The following TTLL11 variants were observed in gnomAD, a reference collection of about 807,000 sequenced individuals.
TTLL11 encodes the protein tubulin polyglutamylase TTLL11.
TTLL11 carries 42 observed loss-of-function variants against 51.7 expected under a neutral mutation model. The observed-to-expected ratio is 0.81, with a 90% CI of 0.64 to 1.05. The LOEUF is 1.05. TTLL11 is among the 50% of genes least tolerant of loss of function. The probability of loss-of-function intolerance (pLI) is 0.00; values close to 1 mark genes in which losing one functional copy is unlikely to be tolerated. For missense variants in TTLL11, 799 were observed against 940.4 expected, an observed-to-expected ratio of 0.85 and a Z score of 1.97; for synonymous variants, 381 against 383.5, an observed-to-expected ratio of 0.99 and a Z score of 0.08.
rs1045652579 is a variant in TTLL11, at chr9:121,822,647, G to C, written c.2073C>G (p.Asn691Lys). The C allele has an allele frequency of 1.3e-6, 2 of 1,522,008 alleles. No homozygotes were observed. Among genetic ancestry groups the C allele is most frequent in the Non-Finnish European group, 1.8e-6 (2 of 1,133,904 alleles). The allele number at this position is 1,522,008 out of a possible 1,614,324, so 94.3% of individuals were successfully genotyped here. Residue 691 changes from asparagine to lysine, a missense_variant, in exon 9 of 9, where the codon AAC (asparagine) becomes AAG (lysine). Coordinates refer to ENST00000321582, the MANE Select transcript of TTLL11 (RefSeq NM_001139442.2). This position sits in a 1 kb window ranked among gnomAD's most constrained non-coding sequence, Gnocchi z 5.8. ...PSPSAQPAGD[N>K]PPPRTSCANK... ...TGGCACAGCTGGTGCGGGGTGGGGG[G>C]TTGTCCCCTGCTGGCTGGGCCGAGG...
intron 6 of TTLL11, among the ~76,000 whole-genome samples, chr9:121,962,120 A>G (rs1842247953): frequency 3.9e-5 from 6 of 152,122 alleles, no homozygotes; most frequent in Admixed American, 3.9e-4. Context: ...TTCAACTATA[A>G]ATGACAGGAG....
intron 6 of TTLL11, among the ~76,000 whole-genome samples, chr9:121,895,661 TTG>T (rs1254593417): frequency 2.9e-4 from 41 of 143,166 alleles, no homozygotes; most frequent in South Asian, 5.0e-4. Flanking sequence ...GTATGTGTGG[TTG>T]TGTGTGTTTA....
intron 6 of TTLL11, among the ~76,000 whole-genome samples, chr9:121,894,156 A>T (rs1207316669): frequency 2.0e-5 from 3 of 152,212 alleles, no homozygotes; most frequent in Admixed American, 6.5e-5. Flanking sequence ...TAAATGAGAC[A>T]GTGTCCCTGC....
chr9:121,912,516 G>A (rs1433476305), intron 6 of TTLL11, among the ~76,000 whole-genome samples: 2 of 151,942 alleles, frequency 1.3e-5, no homozygotes, highest in African/African-American at 2.4e-5. Flanking sequence ...TGCAGGCGTC[G>A]TGTGTCACCA....
At chr9:121,961,505 C>T (rs1291094272) in intron 6 of TTLL11, among the ~76,000 whole-genome samples, 10 of 152,048 alleles carry the variant, frequency 6.6e-5, no homozygotes, top group Non-Finnish European at 4.4e-5. Context: ...CCAAGAGTCT[C>T]GCTCCAGGGT....
chr9:121,839,182 G>T (rs557178400), intron 8 of TTLL11, among the ~76,000 whole-genome samples: 1 of 152,184 alleles, frequency 6.6e-6, no homozygotes, highest in African/African-American at 2.4e-5. Context: ...GCATCACAAC[G>T]TCTAATTACA....
Position 122,057,973 on chromosome 9 carries a change from C to T in TTLL11, c.463-18605G>A, listed in dbSNP as rs1288872790. ...GCTCAGTCCCTGTCTTCAGGATGGA[C>T]TTGTAAACAAATGATAATGCAAATT... On this transcript the variant is annotated intron_variant, in intron 1 of 8. Coordinates refer to ENST00000321582, the MANE Select transcript of TTLL11 (RefSeq NM_001139442.2). Among the ~76,000 whole-genome samples the T allele has an allele frequency of 4.6e-5, 7 of 152,182 alleles. No individual in the cohort carries two copies. In the East Asian group the frequency reaches 1.3e-3, roughly 29 times the overall value.
At chr9:121,996,910 A>G (rs1202330076) in intron 3 of TTLL11, among the ~76,000 whole-genome samples, 1 of 152,208 alleles carries the variant, frequency 6.6e-6, no homozygotes, top group Non-Finnish European at 1.5e-5. Context: ...TGAGAAATCT[A>G]CAGTCATCTA....
chr9:121,846,330 T>C (rs10818604), intron 8 of TTLL11, among the ~76,000 whole-genome samples: 1 of 152,018 alleles, frequency 6.6e-6, no homozygotes, highest in Non-Finnish European at 1.5e-5. Flanking sequence ...TCTACTATTA[T>C]AGGTGGAGAC....
At chr9:122,001,132 G>A (rs55844258) in intron 3 of TTLL11, among the ~76,000 whole-genome samples, 7,129 of 152,144 alleles carry the variant, frequency 0.047, 197 homozygotes, top group African/African-American at 0.087. Flanking sequence ...AGTCTCACTC[G>A]TCGCCCAGGC....
chr9:121,926,038 T>G (rs1840716683), intron 6 of TTLL11, among the ~76,000 whole-genome samples: 1 of 152,238 alleles, frequency 6.6e-6, no homozygotes, highest in African/African-American at 2.4e-5. Context: ...GATACCAGTT[T>G]ACGCGTGTGA....
intron 1 of TTLL11, among the ~76,000 whole-genome samples, chr9:122,090,903 G>A (rs1209429398): frequency 6.6e-6 from 1 of 152,184 alleles, no homozygotes; most frequent in Non-Finnish European, 1.5e-5. Flanking sequence ...AATGAAAAGG[G>A]AGAATTTCAG....
rs542561175 is a variant in TTLL11, at chr9:122,018,942, G to C, written c.693+12781C>G. 5.9e-5 allele frequency among the ~76,000 whole-genome samples: 9 copies of C among 152,330 alleles called. No individual in the cohort carries two copies. In the East Asian group the frequency reaches 1.2e-3, roughly 20 times the overall value. ...CTCCCCGAACAGCTAAAATCAGGCA[G>C]TCAATACTTGAGCAACAAACACTTG... On this transcript the variant is annotated intron_variant, in intron 3 of 8. Transcript: ENST00000321582.
intron 2 of TTLL11, among the ~76,000 whole-genome samples, chr9:122,032,480 A>C (rs958235863): frequency 6.6e-6 from 1 of 152,150 alleles, no homozygotes; most frequent in Non-Finnish European, 1.5e-5. Flanking sequence ...AAGGACTGAC[A>C]CTGACATTGA....
chr9:121,823,759 C>T (rs1836656575), intron 8 of TTLL11, among the ~76,000 whole-genome samples: 1 of 152,094 alleles, frequency 6.6e-6, no homozygotes, highest in African/African-American at 2.4e-5. Flanking sequence ...GTAAAATAAA[C>T]CCAACTGTCA....
chr9:121,820,004 A>G lies in TTLL11; in HGVS notation c.*2583T>C, dbSNP rs4394468. Among the ~76,000 whole-genome samples, 47,847 of 152,034 alleles carry G rather than the reference A, an allele frequency of 0.31. 8,340 individuals carry two copies. The highest frequency in any genetic ancestry group is 0.47 in the East Asian group (2,422 of 5,120). On this transcript the variant is annotated 3_prime_UTR_variant, in exon 9 of 9. Coordinates refer to ENST00000321582, the MANE Select transcript of TTLL11 (RefSeq NM_001139442.2). ...CCACAGCCTCATTTCCCTAACAATC[A>G]GCAGGGAGGCTCTGTGCCCTGCGGG... is the stretch of plus-strand genomic sequence containing the variant.
chr9:122,081,352 C>T (rs1054193195), intron 1 of TTLL11, among the ~76,000 whole-genome samples: 20 of 152,176 alleles, frequency 1.3e-4, no homozygotes, highest in African/African-American at 4.1e-4. Flanking sequence ...ACACTGATTG[C>T]GTACTGACTT....
chr9:121,868,200 G>A (rs1460792039), intron 7 of TTLL11, among the ~76,000 whole-genome samples: 1 of 152,006 alleles, frequency 6.6e-6, no homozygotes, highest in Non-Finnish European at 1.5e-5. Flanking sequence ...AATTCTCCGG[G>A]GCCCCAAATA....
rs115225355 is a variant in TTLL11 at position 121,972,595 on chromosome 9, C to T, written c.1481+1414G>A. On this transcript the variant is annotated intron_variant, in intron 6 of 8. Transcript: ENST00000321582. ...AGAACACTCTTGACAAGAACTCAGC[C>T]GGGCCGGCGCCATCCAGCCTGACTC... Among the ~76,000 whole-genome samples the T allele has an allele frequency of 6.5e-3, 991 of 152,360 alleles. 10 individuals carry two copies. Among genetic ancestry groups the T allele is most frequent in the African/African-American group, 0.023 (941 of 41,582 alleles).
Sources: allele counts gnomAD v4.1 joint callset (sites outside exome capture counted in the v4.1 genomes callset), GRCh38; gene constraint gnomAD v4.1.1; non-coding constraint Gnocchi (gnomAD v3.1); transcripts MANE v1.5; gene names NCBI Gene and HGNC (gene_info 2026-07-23, HGNC 2026-07-21).